CHRM3: variants seen among roughly 807,000 people sequenced by gnomAD.
The protein encoded by CHRM3 is cholinergic receptor muscarinic 3.
In CHRM3, 11 loss-of-function variants were observed where a neutral mutation model predicts 41.8. That is an observed-to-expected ratio of 0.26 (90% CI 0.17 to 0.44). The LOEUF (loss-of-function observed/expected upper bound fraction) is 0.44. Ranked by LOEUF, CHRM3 falls within the 20% of genes least tolerant of loss-of-function variation. The pLI, the probability that CHRM3 is intolerant of heterozygous loss-of-function variation, is 1.00. For synonymous variants in CHRM3, 297 were observed against 301.4 expected, an observed-to-expected ratio of 0.99 and a Z score of 0.15; for missense variants, 571 against 745.4, an observed-to-expected ratio of 0.77 and a Z score of 2.72.
At chr1:239,635,112 T>C (rs12037424) in intron 4 of CHRM3, among the ~76,000 whole-genome samples, 38,940 of 152,106 alleles carry the variant, frequency 0.26, 5,961 homozygotes, top group East Asian at 0.65. Context: ...GAATCCCTTG[T>C]CTCTTTTGTT....
chr1:239,718,376 A>C (rs910570442), intron 5 of CHRM3, among the ~76,000 whole-genome samples: 1 of 152,060 alleles, frequency 6.6e-6, no homozygotes, highest in Admixed American at 6.6e-5. Context: ...ACATGACACA[A>C]GGTGAAATTT....
chr1:239,476,462 C>T (rs1420996307), intron 1 of CHRM3, among the ~76,000 whole-genome samples: 1 of 108,016 alleles, frequency 9.3e-6, no homozygotes, highest in Non-Finnish European at 2.0e-5. Context: ...AAGACTCCAT[C>T]CAAAAAAAAA....
intron 5 of CHRM3, among the ~76,000 whole-genome samples, chr1:239,752,818 T>TC (rs1218172980): frequency 3.9e-5 from 6 of 152,194 alleles, no homozygotes; most frequent in African/African-American, 1.4e-4. Flanking sequence ...GACCTTTTTT[T>TC]CACTAGGCTT....
chr1:239,547,883 A>C (rs35408855), intron 3 of CHRM3, among the ~76,000 whole-genome samples: 67 of 138,312 alleles, frequency 4.8e-4, no homozygotes, highest in African/African-American at 2.2e-3. Context: ...CTGAAATGAC[A>C]AAAAAAAGTG....
intron 3 of CHRM3, among the ~76,000 whole-genome samples, chr1:239,555,812 GC>G (rs1660297223): frequency 6.6e-6 from 1 of 152,162 alleles, no homozygotes; most frequent in South Asian, 2.1e-4. Context: ...CCTACCACCA[GC>G]TTGCCCTTGA....
At chr1:239,641,259 G>C (rs1671116738) in intron 4 of CHRM3, among the ~76,000 whole-genome samples, 1 of 151,990 alleles carries the variant, frequency 6.6e-6, no homozygotes, top group East Asian at 1.9e-4. Context: ...GGGGTGGAGA[G>C]TTCTGTAGAT....
At chr1:239,822,053 T>A (rs1464082627) in intron 5 of CHRM3, among the ~76,000 whole-genome samples, 1 of 152,190 alleles carries the variant, frequency 6.6e-6, no homozygotes, top group Non-Finnish European at 1.5e-5. Context: ...TGGAACTGAG[T>A]CAATTAAACC....
chr1:239,436,487 A>G (rs1003066979), intron 1 of CHRM3, among the ~76,000 whole-genome samples: 4 of 152,038 alleles, frequency 2.6e-5, no homozygotes, highest in East Asian at 1.9e-4. Flanking sequence ...TGTGGGCAGC[A>G]CGGTGCTGTG....
chr1:239,605,870 T>C (rs916376577), intron 3 of CHRM3: 61 of 152,348 alleles, frequency 4.0e-4, no homozygotes, highest in African/African-American at 1.4e-3. Flanking sequence ...TCAATGGTAA[T>C]AAACATCATT....
Position 239,471,342 on chromosome 1 carries a change from T to A in CHRM3, c.-520-21367T>A, listed in dbSNP as rs78053860. Among the ~76,000 whole-genome samples the A allele has an allele frequency of 4.3e-4, 66 of 152,248 alleles. No individual in the cohort carries two copies. In the East Asian group the frequency reaches 0.013, roughly 29 times the overall value. On this transcript the variant is annotated intron_variant, in intron 1 of 6. Transcript: ENST00000676153. ...AGCAAATCAAAACTACAAGCTGCAA[T>A]TGACAGAGTAAAGACGTTAATTACA...
At chr1:239,815,004 G>C (rs1458565041) in intron 5 of CHRM3, among the ~76,000 whole-genome samples, 1 of 152,022 alleles carries the variant, frequency 6.6e-6, no homozygotes, top group African/African-American at 2.4e-5. Flanking sequence ...TGGAACTCCT[G>C]ACTGCAAGAG....
chr1:239,505,304 T>G (rs1230865175), intron 2 of CHRM3, among the ~76,000 whole-genome samples: 1 of 149,920 alleles, frequency 6.7e-6, no homozygotes, highest in African/African-American at 2.5e-5. Context: ...ATGATGATGA[T>G]GATTGATATG....
At chr1:239,657,658 C>A (rs16838631) in intron 4 of CHRM3, among the ~76,000 whole-genome samples, 4,299 of 152,222 alleles carry the variant, frequency 0.028, 98 homozygotes, top group Admixed American at 0.057. Context: ...TCGGAAATAT[C>A]TTAGGCATTA....
At chr1:239,445,331 T>C (rs1664045891) in intron 1 of CHRM3, among the ~76,000 whole-genome samples, 2 of 152,044 alleles carry the variant, frequency 1.3e-5, no homozygotes, top group South Asian at 2.1e-4. Context: ...TTTCTAATGA[T>C]GAAGGGAAAA....
chr1:239,892,695 T>A (rs941563874), intron 6 of CHRM3, among the ~76,000 whole-genome samples: 2 of 152,172 alleles, frequency 1.3e-5, no homozygotes, highest in African/African-American at 4.8e-5. Context: ...CAGAGTATCT[T>A]AGATTTGTAT....
rs1572226352 is a variant in CHRM3, at chr1:239,766,882, T to C, written c.-146-60370T>C. On this transcript the variant is annotated intron_variant, in intron 5 of 6. Transcript: ENST00000676153. The stretch of plus-strand genomic sequence containing the variant: ...ACACGCCACCATGCCTGGCTAATTT[T>C]TGTATTTTTAGTAGAGACAGGGTTT... Among the ~76,000 whole-genome samples the C allele has an allele frequency of 2.6e-5, 4 of 152,206 alleles. No individual in the cohort carries two copies. The Middle Eastern group carries it at 0.014, about 518-fold the overall frequency.
At chr1:239,450,517 A>G (rs2103317105) in intron 1 of CHRM3, among the ~76,000 whole-genome samples, 1 of 152,306 alleles carries the variant, frequency 6.6e-6, no homozygotes, top group South Asian at 2.1e-4. Context: ...CCAGATGTAT[A>G]GCATAATTAA....
chr1:239,709,712 A>C (rs1434188882), intron 5 of CHRM3, among the ~76,000 whole-genome samples: 1 of 152,176 alleles, frequency 6.6e-6, no homozygotes, highest in Non-Finnish European at 1.5e-5. Context: ...AGAGTTCTTT[A>C]ACCTATGAGG....
chr1:239,628,265 G>C (rs1156964497), intron 3 of CHRM3, among the ~76,000 whole-genome samples: 1 of 44,764 alleles, frequency 2.2e-5, no homozygotes, highest in Non-Finnish European at 3.6e-5. Flanking sequence ...ATCTTCCATT[G>C]CTGATACCCT....
Sources: gnomAD v4.1 joint callset for allele counts (sites outside exome capture counted in the v4.1 genomes callset) on GRCh38, gnomAD v4.1.1 for gene constraint, MANE v1.5 for transcripts, NCBI Gene and HGNC (gene_info 2026-07-23, HGNC 2026-07-21) for gene names.